Variants in NR3C1 observed in about 807,000 individuals in gnomAD.
NR3C1 encodes nuclear receptor subfamily 3 group C member 1.
Under a neutral mutation model 74.0 loss-of-function variants are expected in NR3C1, and 14 were observed. That is an observed-to-expected ratio of 0.19 (90% CI 0.12 to 0.30). The LOEUF is 0.30. Ranked by LOEUF, NR3C1 falls within the 10% of genes least tolerant of loss-of-function variation. NR3C1 has a pLI of 1.00. For synonymous variants in NR3C1, 308 were observed against 332.5 expected (o/e 0.93, Z 0.80); for missense variants, 695 against 909.8 (o/e 0.76, Z 3.04).
At chr5:143,433,426 ATATATATATAATTTATTTATTTAAAT>A (rs1330364280) in intron 1 of NR3C1, among the ~76,000 whole-genome samples, 176 of 141,130 alleles carry the variant, frequency 1.2e-3, no homozygotes, top group African/African-American at 4.5e-3. Context: ...TTTAAATTAT[ATATATATATAATTTATTTATTTAAAT>A]TATATATATA....
chr5:143,396,669 CTTCA>C (rs1839240613), intron 2 of NR3C1, among the ~76,000 whole-genome samples: 1 of 151,130 alleles, frequency 6.6e-6, no homozygotes, highest in Admixed American at 6.6e-5. Context: ...ATTTTAGTAG[CTTCA>C]TTAAGTGCCA....
intron 2 of NR3C1, among the ~76,000 whole-genome samples, chr5:143,319,427 AC>A: frequency 6.6e-6 from 1 of 152,300 alleles, no homozygotes; most frequent in African/African-American, 2.4e-5. Flanking sequence ...AGATATTATC[AC>A]CTCAGAAAGC....
intron 2 of NR3C1, among the ~76,000 whole-genome samples, chr5:143,316,533 C>T (rs747205449): frequency 3.3e-5 from 5 of 152,112 alleles, no homozygotes; most frequent in African/African-American, 7.2e-5. Flanking sequence ...CCCCTGGATG[C>T]GGTCATACGG....
At chr5:143,298,276 C>T (rs889846442) in intron 6 of NR3C1, among the ~76,000 whole-genome samples, 3 of 152,168 alleles carry the variant, frequency 2.0e-5, no homozygotes, top group African/African-American at 7.2e-5. Context: ...CCATATGTCC[C>T]ACCCCATCAG....
chr5:143,292,451 A>G (rs1312224830), intron 7 of NR3C1, among the ~76,000 whole-genome samples: 1 of 152,150 alleles, frequency 6.6e-6, no homozygotes, highest in African/African-American at 2.4e-5. Flanking sequence ...CCTTTCCCCC[A>G]GGTCACATAA....
intron 2 of NR3C1, among the ~76,000 whole-genome samples, chr5:143,349,010 A>C: frequency 6.6e-6 from 1 of 152,156 alleles, no homozygotes; most frequent in South Asian, 2.1e-4. Context: ...GTTGCATTAC[A>C]TGTGGTAAAA....
At chr5:143,324,195 TCTGCA>T (rs1277506166) in intron 2 of NR3C1, among the ~76,000 whole-genome samples, 5 of 152,248 alleles carry the variant, frequency 3.3e-5, no homozygotes, top group Non-Finnish European at 7.3e-5. Flanking sequence ...ACATTTCCCT[TCTGCA>T]CTGCCCTAGC....
chr5:143,395,175 G>GA (rs1373604943), intron 2 of NR3C1, among the ~76,000 whole-genome samples: 2 of 151,972 alleles, frequency 1.3e-5, no homozygotes, highest in East Asian at 3.9e-4. Flanking sequence ...ATTCAACAGG[G>GA]AAAGGAACAC....
chr5:143,428,634 C>T (rs1429675423), intron 1 of NR3C1, among the ~76,000 whole-genome samples: 1 of 152,196 alleles, frequency 6.6e-6, no homozygotes, highest in African/African-American at 2.4e-5. Flanking sequence ...TGGCTGCTTT[C>T]ACACTGCAAT....
chr5:143,355,323 T>C (rs1830938632), intron 2 of NR3C1, among the ~76,000 whole-genome samples: 1 of 152,164 alleles, frequency 6.6e-6, no homozygotes, highest in Admixed American at 6.5e-5. Context: ...AAATCTGGTA[T>C]ACAGCCTTGG....
chr5:143,353,253 G>A (rs976174800), intron 2 of NR3C1, among the ~76,000 whole-genome samples: 1 of 152,156 alleles, frequency 6.6e-6, no homozygotes, highest in African/African-American at 2.4e-5. Context: ...CATCTGCAGT[G>A]ACTTCCTAAA....
intron 1 of NR3C1, chr5:143,402,578 G>A (rs1840501100): frequency 1.0e-6 from 1 of 984,886 alleles, no homozygotes; most frequent in Non-Finnish European, 1.2e-6. Flanking sequence ...AAAGTGCGAG[G>A]TTAAAAGAGA....
At chr5:143,352,016 A>C (rs1830316920) in intron 2 of NR3C1, among the ~76,000 whole-genome samples, 1 of 152,324 alleles carries the variant, frequency 6.6e-6, no homozygotes, top group East Asian at 1.9e-4. Flanking sequence ...ATAGATGAAG[A>C]GAGTTTTGTT....
At chr5:143,425,443 A>G (rs189517774) in intron 1 of NR3C1, among the ~76,000 whole-genome samples, 4 of 152,322 alleles carry the variant, frequency 2.6e-5, no homozygotes, top group Non-Finnish European at 5.9e-5. Context: ...GAAATTGTAG[A>G]CAACGTACAG....
chr5:143,318,207 C>A (rs1822574601), intron 2 of NR3C1, among the ~76,000 whole-genome samples: 2 of 152,166 alleles, frequency 1.3e-5, no homozygotes, highest in South Asian at 4.2e-4. Flanking sequence ...ACAGTCTTCC[C>A]CATGAGCCTG....
At chr5:143,431,548 C>T (rs150257208) in intron 1 of NR3C1, among the ~76,000 whole-genome samples, 5 of 151,902 alleles carry the variant, frequency 3.3e-5, no homozygotes, top group Non-Finnish European at 7.4e-5. Flanking sequence ...CTAATGCATG[C>T]GAGGCTTAAA....
At chr5:143,313,932 A>C (rs945450798) in intron 3 of NR3C1, 70 bp downstream of exon 3, 10 of 1,549,560 alleles carry the variant, frequency 6.5e-6, no homozygotes, top group Admixed American at 1.7e-5. Context: ...ATATAATGGA[A>C]ATTTCAAAAT....
rs1256571840 is a variant in NR3C1, at chr5:143,435,324, A to G, written c.-806T>C. The G allele has an allele frequency of 5.1e-6, 5 of 985,310 alleles. No homozygotes were observed. The African/African-American group carries it at 8.7e-5, about 17-fold the overall frequency. 61.0% of individuals were successfully genotyped at this position (985,310 alleles called of 1,614,324 possible). A position where few individuals can be genotyped will look rare whatever the true frequency, so the allele number is the denominator to read the frequency against. On this transcript the variant is annotated 5_prime_UTR_variant, in exon 1 of 9. Coordinates refer to the NR3C1 transcript ENST00000343796. The stretch of plus-strand genomic sequence containing the variant: ...ACCTTCTAAGGTCCAGTGATTTGGT[A>G]TCAGAAGATCTAAGTTTTCTCCTTC...
chr5:143,318,808 A>G (rs1358477001), intron 2 of NR3C1, among the ~76,000 whole-genome samples: 1 of 152,218 alleles, frequency 6.6e-6, no homozygotes, highest in Non-Finnish European at 1.5e-5. Context: ...ATATAAGTGG[A>G]TTATGCACCT....
Sources: gnomAD v4.1 joint callset for allele counts (sites outside exome capture counted in the v4.1 genomes callset) on GRCh38, gnomAD v4.1.1 for gene constraint, MANE v1.5 for transcripts, NCBI Gene and HGNC (gene_info 2026-07-23, HGNC 2026-07-21) for gene names.